DIAPH3: variants seen among roughly 807,000 people sequenced by gnomAD.
DIAPH3 encodes the protein protein diaphanous homolog 3.
DIAPH3 carries 117 observed loss-of-function variants against 144.3 expected under a neutral mutation model. The observed-to-expected ratio is 0.81, with a 90% confidence interval of 0.70 to 0.95. The LOEUF is 0.95. Among genes scored for constraint, DIAPH3 ranks in the 40% least tolerant of loss-of-function variants. The probability of loss-of-function intolerance (pLI) is 0.00; values close to 1 mark genes in which losing one functional copy is unlikely to be tolerated. For missense variants in DIAPH3, 1,421 were observed against 1,412.7 expected (o/e 1.01, Z -0.09); for synonymous variants, 519 against 488.9 (o/e 1.06, Z -0.81).
intron 7 of DIAPH3, chr13:60,013,159 G>A (rs527827132): frequency 2.8e-5 from 28 of 985,198 alleles, no homozygotes; most frequent in Admixed American, 1.2e-4. Flanking sequence ...GACCCACTCC[G>A]GACAATATGG....
intron 17 of DIAPH3, among the ~76,000 whole-genome samples, chr13:59,968,404 C>T (rs943287826): frequency 6.6e-6 from 1 of 152,252 alleles, no homozygotes; most frequent in Non-Finnish European, 1.5e-5. Context: ...AAGTGTTTTA[C>T]ATGTAAACAC....
intron 17 of DIAPH3, among the ~76,000 whole-genome samples, chr13:59,930,800 G>T (rs2047982969): frequency 6.6e-6 from 1 of 152,134 alleles, no homozygotes; most frequent in African/African-American, 2.4e-5. Context: ...CAATAGAAGG[G>T]CAAGACTGAA....
chr13:59,935,034 G>C (rs536004304), intron 17 of DIAPH3, among the ~76,000 whole-genome samples: 1 of 152,272 alleles, frequency 6.6e-6, no homozygotes, highest in Admixed American at 6.5e-5. Flanking sequence ...GTTGACTCTT[G>C]AACAACACGT....
intron 20 of DIAPH3, among the ~76,000 whole-genome samples, chr13:59,896,515 C>A (rs1443631314): frequency 2.0e-5 from 3 of 147,432 alleles, no homozygotes; most frequent in African/African-American, 7.5e-5. Context: ...ATATGATTTA[C>A]AAACAGAAGG....
intron 13 of DIAPH3, among the ~76,000 whole-genome samples, chr13:59,983,189 T>C (rs900350045): frequency 3.2e-5 from 4 of 126,216 alleles, no homozygotes; most frequent in African/African-American, 8.9e-5. Context: ...ATCGTCTGTA[T>C]GAGTCATTCC....
At chr13:60,059,327 T>A (rs538877683) in intron 4 of DIAPH3, among the ~76,000 whole-genome samples, 1 of 152,104 alleles carries the variant, frequency 6.6e-6, no homozygotes, top group Admixed American at 6.6e-5. Context: ...TCATTGATAA[T>A]TTATCAAGTG....
intron 24 of DIAPH3, chr13:59,832,893 A>C: frequency 2.0e-6 from 1 of 494,192 alleles, no homozygotes; most frequent in Non-Finnish European, 3.7e-6. Context: ...TCACTTTTTC[A>C]ATCAAAATGT....
intron 27 of DIAPH3, among the ~76,000 whole-genome samples, chr13:59,757,170 A>C (rs7336827): frequency 6.6e-6 from 1 of 152,004 alleles, no homozygotes; most frequent in South Asian, 2.1e-4. Context: ...TGTTATTGAG[A>C]ATTAGATGAA....
chr13:59,922,216 G>T (rs2047553932), intron 18 of DIAPH3, among the ~76,000 whole-genome samples: 1 of 151,800 alleles, frequency 6.6e-6, no homozygotes, highest in Non-Finnish European at 1.5e-5. Flanking sequence ...GGGCAATTAG[G>T]TAAGAGAAAA....
At chr13:59,893,482 G>A (rs761673693) in intron 20 of DIAPH3, among the ~76,000 whole-genome samples, 1 of 152,098 alleles carries the variant, frequency 6.6e-6, no homozygotes, top group East Asian at 1.9e-4. Context: ...TAGTCACAGA[G>A]TAAAAGGGAA....
At chr13:59,827,369 G>C (rs956826296) in intron 24 of DIAPH3, among the ~76,000 whole-genome samples, 1 of 152,014 alleles carries the variant, frequency 6.6e-6, no homozygotes, top group Non-Finnish European at 1.5e-5. Flanking sequence ...AAAACTGGGC[G>C]AAGGATAAAA....
intron 18 of DIAPH3, among the ~76,000 whole-genome samples, chr13:59,920,547 T>C (rs529671598): frequency 4.5e-4 from 68 of 151,440 alleles, no homozygotes; most frequent in Non-Finnish European, 8.0e-4. Context: ...TATATACATA[T>C]ATATGTATAT....
At chr13:59,741,509 C>A (rs2036447292) in intron 27 of DIAPH3, among the ~76,000 whole-genome samples, 1 of 151,988 alleles carries the variant, frequency 6.6e-6, no homozygotes, top group Non-Finnish European at 1.5e-5. Context: ...GTGATCCTAG[C>A]ACTTTGGGAG....
intron 17 of DIAPH3, among the ~76,000 whole-genome samples, chr13:59,933,805 C>A (rs1387685086): frequency 6.6e-6 from 1 of 152,156 alleles, no homozygotes; most frequent in Non-Finnish European, 1.5e-5. Context: ...GAAAAAGTCT[C>A]TTTTAATTAC....
chr13:59,869,333 C>G (rs1212992082), intron 21 of DIAPH3, among the ~76,000 whole-genome samples: 1 of 152,152 alleles, frequency 6.6e-6, no homozygotes, highest in East Asian at 1.9e-4. Flanking sequence ...AAAATTACAA[C>G]TCCATCCTCT....
intron 4 of DIAPH3, among the ~76,000 whole-genome samples, chr13:60,089,336 A>G (rs2057853729): frequency 6.6e-6 from 1 of 152,252 alleles, no homozygotes; most frequent in African/African-American, 2.4e-5. Flanking sequence ...CTGATGGAGT[A>G]CTTTAAGCAT....
chr13:59,757,392 CTTTTTTTT>C (rs558678599), intron 27 of DIAPH3, among the ~76,000 whole-genome samples: 4 of 93,046 alleles, frequency 4.3e-5, no homozygotes, highest in African/African-American at 2.1e-4. Flanking sequence ...ATGGGTCATC[CTTTTTTTT>C]TTTTTTTTTT....
chr13:59,866,329 T>C (rs535214946), intron 21 of DIAPH3, among the ~76,000 whole-genome samples: 4 of 152,144 alleles, frequency 2.6e-5, no homozygotes, highest in African/African-American at 9.6e-5. Context: ...GAGCCAATGA[T>C]TGGAACACAT....
At chr13:59,897,670 C>T (rs544141630) in intron 20 of DIAPH3, among the ~76,000 whole-genome samples, 1 of 151,574 alleles carries the variant, frequency 6.6e-6, no homozygotes, top group Non-Finnish European at 1.5e-5. Context: ...ATCGTTTGAA[C>T]CCAGGGGGCG....
Sources: allele counts gnomAD v4.1 joint callset (sites outside exome capture counted in the v4.1 genomes callset), GRCh38; gene constraint gnomAD v4.1.1; transcripts MANE v1.5; gene names NCBI Gene and HGNC (gene_info 2026-07-23, HGNC 2026-07-21).